DNAH8: variants seen among roughly 807,000 people sequenced by gnomAD.
DNAH8 encodes dynein axonemal heavy chain 8, also known as axonemal beta dynein heavy chain 8.
Under a neutral mutation model 562.1 loss-of-function variants are expected in DNAH8, and 382 were observed. The ratio of observed to expected loss-of-function variants is 0.68; its 90% confidence interval spans 0.63 to 0.74. DNAH8 has a LOEUF of 0.74. DNAH8 is among the 30% of genes least tolerant of loss of function. The pLI, the probability that DNAH8 is intolerant of heterozygous loss-of-function variation, is 0.00. For synonymous variants in DNAH8, 1,881 were observed against 1,919.4 expected (o/e 0.98, Z 0.52); for missense variants, 5,203 against 5,620.4 (o/e 0.93, Z 2.37).
intron 16 of DNAH8, among the ~76,000 whole-genome samples, chr6:38,782,302 A>G (rs1217082872): frequency 2.0e-5 from 3 of 151,768 alleles, no homozygotes; most frequent in African/African-American, 4.8e-5. Context: ...TTTATTTATT[A>G]TGGAGTTTTG....
At position 38,837,959 on chromosome 6, in the gene DNAH8, G is replaced by A. The variant is rs145272110; in HGVS notation, c.4383G>A (p.Leu1461=). 5,709 of 1,612,692 alleles carry A rather than the reference G, an allele frequency of 3.5e-3. 16 individuals are homozygous for A. The highest frequency in any genetic ancestry group is 6.2e-3 in the Admixed American group (374 of 59,912). The change falls in exon 33 of 93, where the codon CTG becomes CTA. Residue 1461 remains leucine, a synonymous_variant. Transcript: ENST00000327475. ...TGTTACAGGCCAGTTTCGATGATCT[G>A]TGGAGGAAATTTGTTACGTATTCAT... The part of the protein sequence containing the change: ...LQIFQASFDD[L]WRKFVTYSSG...
rs767043823 is a variant in DNAH8, at chr6:38,723,467, C to T, written c.521C>T (p.Pro174Leu). ...VTVEELILDCPSLEAFTNFFA... is the reference protein window; with the variant it reads ...VTVEELILDCLSLEAFTNFFA... ...GTTGAAGAATTAATTTTGGATTGCC[C>T]ATCTGTAAGTTTAAGTCTTATCATT... The change falls in exon 3 of 93, where the codon CCA (proline) becomes CTA (leucine). Residue 174 changes from proline to leucine, a missense_variant. This residue lies in a region of DNAH8 where 556 missense variants were observed against 496.9 expected (regional missense o/e 1.12). Transcript: ENST00000327475. 3.7e-6 allele frequency: 6 copies of T among 1,603,462 alleles called. No homozygotes were observed. Among genetic ancestry groups the T allele is most frequent in the South Asian group, 1.1e-5 (1 of 88,072 alleles).
chr6:38,862,109 G>A (rs1310550475), intron 43 of DNAH8, among the ~76,000 whole-genome samples, 171 bp from the exon 44 acceptor site: 2 of 152,134 alleles, frequency 1.3e-5, no homozygotes, highest in Non-Finnish European at 2.9e-5. Flanking sequence ...GCTCACTGTA[G>A]TACTTTTAAT....
At chr6:38,990,272 C>CT (rs1279895579) in intron 88 of DNAH8, 100 bp downstream of exon 88, 4 of 815,778 alleles carry the variant, frequency 4.9e-6, no homozygotes, top group South Asian at 2.0e-5. Flanking sequence ...TCCTTTCCCC[C>CT]TTTTTTTATT....
At chr6:38,734,664 T>G (rs947667730) in intron 5 of DNAH8, 39 bp downstream of exon 5, 1 of 1,596,634 alleles carries the variant, frequency 6.3e-7, no homozygotes, top group Non-Finnish European at 8.5e-7. Context: ...AGTTAAACAT[T>G]GAATATATTT....
At chr6:38,784,974 T>C (rs911948843) in intron 17 of DNAH8, among the ~76,000 whole-genome samples, 1 of 152,250 alleles carries the variant, frequency 6.6e-6, no homozygotes, top group African/African-American at 2.4e-5. Context: ...AATAATTTTA[T>C]CAAGTTTTCA....
At chr6:38,912,196 G>A (rs1780956554) in intron 66 of DNAH8, among the ~76,000 whole-genome samples, 1 of 152,170 alleles carries the variant, frequency 6.6e-6, no homozygotes, top group Non-Finnish European at 1.5e-5. Context: ...GAGTATGGTG[G>A]CTGATGCCTG....
chr6:38,945,471 A>G lies in DNAH8; in HGVS notation c.12012A>G (p.Gly4004=). ...HREFQALIKG[G]AALDLKACPP... is the part of the protein sequence containing the mutation. ...CTGTCTGACGCTCTTCCCCAGGGGG[A>G]GCAGCTCTGGACCTGAAAGCCTGTC... is the stretch of plus-strand genomic sequence containing the variant. The change falls in exon 80 of 93, where the codon GGA becomes GGG. Residue 4004 remains glycine, a synonymous_variant. Coordinates refer to ENST00000327475, the MANE Select transcript of DNAH8 (RefSeq NM_001206927.2). 1.9e-6 allele frequency: 3 copies of G among 1,613,938 alleles called. No individual in the cohort carries two copies. The highest frequency in any genetic ancestry group is 2.5e-6 in the Non-Finnish European group (3 of 1,179,880).
chr6:38,959,667 A>G (rs1762481840), intron 82 of DNAH8, among the ~76,000 whole-genome samples: 1 of 152,118 alleles, frequency 6.6e-6, no homozygotes. Context: ...TGAAAGAATT[A>G]ATATTGTTAA....
chr6:38,896,322 C>T, intron 60 of DNAH8, 97 bp downstream of exon 60: 2 of 1,040,332 alleles, frequency 1.9e-6, no homozygotes, highest in Non-Finnish European at 2.8e-6. Flanking sequence ...TGCTATAATT[C>T]CAGCACTTTG....
intron 56 of DNAH8, among the ~76,000 whole-genome samples, chr6:38,885,286 C>T (rs1054545386): frequency 1.3e-5 from 2 of 152,168 alleles, no homozygotes; most frequent in Non-Finnish European, 2.9e-5. Flanking sequence ...AATAGCACCT[C>T]CACAGTCACT....
rs553175313 is a variant in DNAH8 at position 38,921,227 on chromosome 6, T to C, written c.10525-142T>C. ...TAATGAAATACCCTCCAAGACGCTTTGCTTTCCCAGCTGAAGACACGGAAA... is the reference window on the plus strand; with the variant it reads ...TAATGAAATACCCTCCAAGACGCTTCGCTTTCCCAGCTGAAGACACGGAAA... On this transcript the variant is annotated intron_variant, in intron 70 of 92. Transcript: ENST00000327475. 2.7e-4 allele frequency: 257 copies of C among 957,118 alleles called. No individual in the cohort carries two copies. In the African/African-American group the frequency reaches 4.0e-3, roughly 15 times the overall value. The allele number at this position is 957,118 out of a possible 1,614,324, so 59.3% of individuals were successfully genotyped here.
chr6:38,996,928 C>T (rs548725137), intron 88 of DNAH8, among the ~76,000 whole-genome samples: 2 of 151,932 alleles, frequency 1.3e-5, no homozygotes, highest in African/African-American at 4.8e-5. Flanking sequence ...CAACCTTTCA[C>T]CACACTAGTG....
At chr6:38,892,718 T>G (rs1779421687) in intron 58 of DNAH8, among the ~76,000 whole-genome samples, 1 of 152,182 alleles carries the variant, frequency 6.6e-6, no homozygotes, top group Non-Finnish European at 1.5e-5. Context: ...TTTTAAAAAG[T>G]AAAGCAGAAA....
intron 41 of DNAH8, among the ~76,000 whole-genome samples, chr6:38,855,788 T>C (rs1189867541): frequency 4.6e-5 from 7 of 152,046 alleles, no homozygotes; most frequent in Non-Finnish European, 4.4e-5. Flanking sequence ...TATTAGAAAC[T>C]GGGTCGCACA....
intron 54 of DNAH8, 110 bp downstream of exon 54, chr6:38,883,162 C>A: frequency 7.5e-7 from 1 of 1,330,150 alleles, no homozygotes; most frequent in South Asian, 1.6e-5. Context: ...ACATTTAAAT[C>A]TGTAATACAA....
intron 23 of DNAH8, among the ~76,000 whole-genome samples, chr6:38,805,879 A>T (rs904292870): frequency 2.0e-5 from 3 of 152,130 alleles, no homozygotes; most frequent in Non-Finnish European, 2.9e-5. Context: ...GACGTCAGGG[A>T]TTGGAGCAGC....
intron 4 of DNAH8, among the ~76,000 whole-genome samples, chr6:38,731,834 C>A (rs1398063382): frequency 1.3e-5 from 2 of 152,166 alleles, no homozygotes; most frequent in East Asian, 3.8e-4. Flanking sequence ...CCTGCTTCAG[C>A]CTCCTGAGTA....
At chr6:38,938,345 G>A in intron 78 of DNAH8, 119 bp downstream of exon 78, 2 of 1,185,378 alleles carry the variant, frequency 1.7e-6, no homozygotes, top group South Asian at 1.5e-5. Flanking sequence ...CAACCTAAAT[G>A]CCCATCAACA....
Sources: allele counts gnomAD v4.1 joint callset (sites outside exome capture counted in the v4.1 genomes callset), GRCh38; gene constraint gnomAD v4.1.1; regional missense constraint gnomAD v4.1.1; transcripts MANE v1.5; gene names NCBI Gene and HGNC (gene_info 2026-07-23, HGNC 2026-07-21).